INPP5D: variants seen among roughly 807,000 people sequenced by gnomAD.
INPP5D encodes the protein phosphatidylinositol 3,4,5-trisphosphate 5-phosphatase 1.
INPP5D carries 33 observed loss-of-function variants against 122.9 expected under a neutral mutation model. The observed-to-expected ratio is 0.27, with a 90% CI of 0.20 to 0.36. The LOEUF is 0.36. Ranked by LOEUF, INPP5D falls within the 10% of genes least tolerant of loss-of-function variation. INPP5D has a pLI of 1.00. For missense variants in INPP5D, 1,053 were observed against 1,412.7 expected, an observed-to-expected ratio of 0.75 and a Z score of 4.08; for synonymous variants, 584 against 576.2, an observed-to-expected ratio of 1.01 and a Z score of -0.19.
intron 21 of INPP5D, among the ~76,000 whole-genome samples, chr2:233,187,377 C>T (rs917299478): frequency 2.0e-5 from 3 of 152,284 alleles, no homozygotes; most frequent in African/African-American, 7.2e-5. Context: ...GCAGATCCAT[C>T]ACAGGAGGTG....
chr2:233,099,302 G>C (rs923753740), intron 2 of INPP5D, among the ~76,000 whole-genome samples: 1 of 152,148 alleles, frequency 6.6e-6, no homozygotes, highest in Non-Finnish European at 1.5e-5. Flanking sequence ...GGCTACACCA[G>C]CCCGTTACTC....
Position 233,147,518 on chromosome 2 carries a change from C to T in INPP5D, c.954C>T (p.Val318=), listed in dbSNP as rs764409442. The part of the protein sequence containing the change: ...LGIPQKMQLK[V]DVESGKLIIK... ...TTCCTCAGAAAATGCAGCTCAAAGT[C>T]GACGTTGAGTCTGGGAAACTGATCA... The change falls in exon 9 of 27, where the codon GTC becomes GTT. Residue 318 remains valine (V), a synonymous_variant. Transcript: ENST00000445964. 1.4e-5 allele frequency: 10 copies of T among 704,120 alleles called. No homozygotes were observed. The highest frequency in any genetic ancestry group is 7.0e-5 in the African/African-American group (4 of 57,232). 43.6% of individuals were successfully genotyped at this position (704,120 alleles called of 1,614,324 possible).
At chr2:233,195,569 G>A (rs549982404) in intron 24 of INPP5D, 74 bp downstream of exon 24, 18 of 1,598,556 alleles carry the variant, frequency 1.1e-5, no homozygotes, top group East Asian at 4.5e-5. Flanking sequence ...TGGTTTGGCC[G>A]GGTGCGATGG....
chr2:233,087,356 T>G (rs1342048013), intron 2 of INPP5D, among the ~76,000 whole-genome samples: 1 of 152,190 alleles, frequency 6.6e-6, no homozygotes, highest in Middle Eastern at 3.2e-3. Flanking sequence ...GGAGTCTCAC[T>G]CTGTCACCAG....
intron 1 of INPP5D, among the ~76,000 whole-genome samples, chr2:233,068,715 TG>T (rs930023194): frequency 1.3e-5 from 2 of 151,974 alleles, no homozygotes; most frequent in Non-Finnish European, 2.9e-5. Context: ...GAGAAGAGAA[TG>T]GGGGCAGAGG....
chr2:233,171,274 T>C, intron 17 of INPP5D, 122 bp downstream of exon 17: 2 of 1,426,608 alleles, frequency 1.4e-6, no homozygotes, highest in Non-Finnish European at 1.9e-6. Flanking sequence ...AGAAAAAAAT[T>C]AGAAAGCACA....
chr2:233,076,952 C>G (rs1288540750), intron 1 of INPP5D, among the ~76,000 whole-genome samples: 1 of 152,180 alleles, frequency 6.6e-6, no homozygotes, highest in Admixed American at 6.5e-5. Context: ...ACAGTTGGTA[C>G]AGTTGGTAGT....
At chr2:233,116,232 G>GAT (rs1692785908) in intron 2 of INPP5D, among the ~76,000 whole-genome samples, 1 of 121,028 alleles carries the variant, frequency 8.3e-6, no homozygotes, top group Non-Finnish European at 1.6e-5. Flanking sequence ...TATGTAGATA[G>GAT]ATAGATAGAT....
In INPP5D at chr2:233,121,097, A is replaced by ATTTCTTTC. The variant is rs139862941; in HGVS notation, c.199-990_199-983dup. Among the ~76,000 whole-genome samples the ATTTCTTTC allele has an allele frequency of 1.5e-3, 200 of 134,204 alleles. 3 individuals are homozygous for ATTTCTTTC. Among genetic ancestry groups the ATTTCTTTC allele is most frequent in the African/African-American group, 5.3e-3 (196 of 37,100 alleles). 88.0% of individuals were successfully genotyped at this position (134,204 alleles called of 152,430 possible). A position where few individuals can be genotyped will look rare whatever the true frequency, so the allele number is the denominator to read the frequency against. On this transcript the variant is annotated intron_variant, in intron 2 of 26. Transcript: ENST00000445964. ...TCTTGGGGTTGTGGGATTACAGGTG[A>ATTTCTTTC]TTTCTTTCTTTCTTTCTTTCTTTCT...
At chr2:233,190,831 C>T (rs1695038510) in intron 22 of INPP5D, among the ~76,000 whole-genome samples, 2 of 152,186 alleles carry the variant, frequency 1.3e-5, no homozygotes, top group African/African-American at 2.4e-5. Context: ...AAGCTAAGAG[C>T]AAATACCTTA....
chr2:233,135,389 T>C (rs79803751), intron 5 of INPP5D, among the ~76,000 whole-genome samples: 1,613 of 151,890 alleles, frequency 0.011, 27 homozygotes, highest in African/African-American at 0.037. Flanking sequence ...TTCTTAGAGA[T>C]GGAGTTTCAC....
Position 233,188,876 on chromosome 2 carries a change from A to G in INPP5D, c.2359-974A>G, listed in dbSNP as rs118155976. 2.3e-3 allele frequency among the ~76,000 whole-genome samples: 348 copies of G among 152,182 alleles called. 9 individuals carry two copies. In the East Asian group the frequency reaches 0.059, roughly 26 times the overall value. On this transcript the variant is annotated intron_variant, in intron 21 of 26. Coordinates refer to ENST00000445964, the MANE Select transcript of INPP5D (RefSeq NM_001017915.3). This position sits in a 1 kb window ranked among gnomAD's most constrained non-coding sequence, Gnocchi z 4.7. ...CTGCACCTGGCCTGGAACTTTCTGA[A>G]TGGAGATATAGTGAGTCTGCCCTGT...
In INPP5D at chr2:233,200,274, C is replaced by T. The variant is rs553941790; in HGVS notation, c.2975+1898C>T. Among the ~76,000 whole-genome samples the T allele has an allele frequency of 2.9e-4, 44 of 152,340 alleles. No individual in the cohort carries two copies. In the East Asian group the frequency reaches 6.0e-3, roughly 21 times the overall value. On this transcript the variant is annotated intron_variant, in intron 25 of 26. Coordinates refer to ENST00000445964, the MANE Select transcript of INPP5D (RefSeq NM_001017915.3). ...AGAGCAGAGCCAACCATGGGTACCT[C>T]GTGGATACACAAGTGGGGAGCTCTA...
chr2:233,110,430 G>A (rs1244784474), intron 2 of INPP5D, among the ~76,000 whole-genome samples: 3 of 151,862 alleles, frequency 2.0e-5, no homozygotes, highest in African/African-American at 4.8e-5. Context: ...TAACTCCTGG[G>A]CTCGAGCGAT....
intron 6 of INPP5D, chr2:233,140,932 GA>G (rs1693619649): frequency 6.6e-6 from 1 of 152,262 alleles, no homozygotes; most frequent in Non-Finnish European, 1.5e-5. Flanking sequence ...GAGGGACAGG[GA>G]ATAGCCAGTA....
chr2:233,116,437 C>T (rs577908028), intron 2 of INPP5D, among the ~76,000 whole-genome samples: 1 of 151,758 alleles, frequency 6.6e-6, no homozygotes, highest in African/African-American at 2.4e-5. Context: ...CTACAGGGTG[C>T]ACCACTACGT....
Position 233,079,385 on chromosome 2 carries a change from A to T in INPP5D, c.185A>T (p.Lys62Ile). ...TYRILPNEDD[K>I]FTVQASEGVS... is the part of the protein sequence containing the mutation. ...AGAATTCTGCCCAATGAAGATGATA[A>T]ATTCACTGTTCAGGTGAGTCCTTTA... The change falls in exon 2 of 27, where the codon AAA becomes ATA. Residue 62 changes from lysine to isoleucine, a missense_variant. Physicochemically the swap from Lys to Ile is moderately radical, Grantham distance 102. Coordinates refer to ENST00000445964, the MANE Select transcript of INPP5D (RefSeq NM_001017915.3). 1 of 1,597,882 alleles carries T rather than the reference A, an allele frequency of 6.3e-7. No homozygotes were observed.
At position 233,170,432 on chromosome 2, in the gene INPP5D, G is replaced by A. The variant is rs560597214; in HGVS notation, c.1792-64G>A. ...CATCCAGCTGCCCGCCCCCAGCCCC[G>A]AAGCTTGTCAGGCCTGGATCAGCAG... On this transcript the variant is annotated intron_variant, in intron 15 of 26. Coordinates refer to ENST00000445964, the MANE Select transcript of INPP5D (RefSeq NM_001017915.3). The surrounding 1 kb of genome is among the most constrained non-coding windows in gnomAD (Gnocchi z 4.5). The A allele has an allele frequency of 2.1e-5, 34 of 1,605,542 alleles. No homozygotes were observed. The African/African-American group carries it at 2.1e-4, about 10-fold the overall frequency.
intron 1 of INPP5D, chr2:233,076,563 T>C (rs753832221): frequency 2.0e-5 from 3 of 152,158 alleles, no homozygotes; most frequent in Non-Finnish European, 2.9e-5. Flanking sequence ...AGCCATAAAA[T>C]AAAATATTGT....
Sources: gnomAD v4.1 joint callset for allele counts (sites outside exome capture counted in the v4.1 genomes callset) on GRCh38, gnomAD v4.1.1 for gene constraint, Gnocchi (gnomAD v3.1) non-coding constraint, MANE v1.5 for transcripts, NCBI Gene and HGNC (gene_info 2026-07-23, HGNC 2026-07-21) for gene names.